STK39: variants seen among roughly 807,000 people sequenced by gnomAD.
STK39 encodes the protein serine/threonine kinase 39.
A neutral mutation model predicts 77.8 loss-of-function variants in STK39; 20 were observed. The ratio of observed to expected loss-of-function variants is 0.26; its 90% CI spans 0.18 to 0.37. STK39 has a LOEUF of 0.37. Among genes scored for constraint, STK39 ranks in the 10% least tolerant of loss-of-function variants. STK39 has a pLI of 1.00. For synonymous variants in STK39, 246 were observed against 234.1 expected (o/e 1.05, Z -0.47); for missense variants, 479 against 656.5 (o/e 0.73, Z 2.95).
rs935693545 is a variant in STK39 at position 168,182,032 on chromosome 2, T to C, written c.267A>G (p.Val89=). ...AALCKPRQER[V]AIKRINLEKC... The stretch of plus-strand genomic sequence containing the variant: ...TTTCCAAGTTGATCCGTTTTATTGC[T>C]ACACGTTCTTGCCTGGGTTTGCATA... Residue 89 remains valine (V), a synonymous_variant, in exon 2 of 18, where the codon GTA becomes GTG. Coordinates refer to ENST00000355999, the MANE Select transcript of STK39 (RefSeq NM_013233.3). 4.3e-6 allele frequency: 7 copies of C among 1,613,970 alleles called. No individual in the cohort carries two copies. The African/African-American group carries it at 9.3e-5, about 22-fold the overall frequency.
chr2:168,031,514 C>T (rs991120252), intron 14 of STK39, among the ~76,000 whole-genome samples: 2 of 152,162 alleles, frequency 1.3e-5, no homozygotes, highest in South Asian at 4.1e-4. Flanking sequence ...TGTTGAAAGC[C>T]TAACAGCCAG....
At chr2:168,208,681 G>C (rs1440112082) in intron 1 of STK39, among the ~76,000 whole-genome samples, 1 of 152,192 alleles carries the variant, frequency 6.6e-6, no homozygotes, top group African/African-American at 2.4e-5. Flanking sequence ...GAGCACAAAA[G>C]CACTGCACTA....
At chr2:167,983,135 G>C (rs1051876650) in intron 16 of STK39, among the ~76,000 whole-genome samples, 1 of 152,086 alleles carries the variant, frequency 6.6e-6, no homozygotes, top group Admixed American at 6.6e-5. Context: ...AATTAAACTT[G>C]AGCCTTAAAC....
intron 3 of STK39, among the ~76,000 whole-genome samples, chr2:168,164,593 G>A (rs1194203608): frequency 6.6e-6 from 1 of 152,082 alleles, no homozygotes; most frequent in South Asian, 2.1e-4. Flanking sequence ...TTTTTGTAGA[G>A]ATGGGGTCTT....
Position 168,137,939 on chromosome 2 carries a change from C to CT in STK39, c.974+148dup, listed in dbSNP as rs1357122646. The CT allele has an allele frequency of 2.3e-5, 25 of 1,108,742 alleles. No homozygotes were observed. In the African/African-American group the frequency reaches 3.2e-4, roughly 14 times the overall value. The allele number at this position is 1,108,742 out of a possible 1,614,324, so 68.7% of individuals were successfully genotyped here. ...CCTCTTGGACCCACACCGTCTTTCACTAACAGGTTGGAAATCTGGGGACCA... is the reference window on the plus strand; with the variant it reads ...CCTCTTGGACCCACACCGTCTTTCACTTAACAGGTTGGAAATCTGGGGACCA... On this transcript the variant is annotated intron_variant, in intron 8 of 17. Coordinates refer to ENST00000355999, the MANE Select transcript of STK39 (RefSeq NM_013233.3).
intron 15 of STK39, among the ~76,000 whole-genome samples, chr2:168,014,391 A>T (rs1445874392): frequency 6.6e-6 from 1 of 152,072 alleles, no homozygotes; most frequent in African/African-American, 2.4e-5. Context: ...GGCTGGGTGG[A>T]AGGATCACTT....
chr2:168,155,873 A>G (rs1398226972), intron 5 of STK39, among the ~76,000 whole-genome samples: 1 of 152,234 alleles, frequency 6.6e-6, no homozygotes, highest in African/African-American at 2.4e-5. Flanking sequence ...TGCCACCAAC[A>G]GGCACATGTA....
At position 168,182,108 on chromosome 2, in the gene STK39, C is replaced by T; in HGVS notation, c.209-18G>A. On this transcript the variant is annotated intron_variant, in intron 1 of 17. Transcript: ENST00000355999. ...TCCACTGCCTGCAATGAAATAAAAA[C>T]AACATCAGCGATCAAATGGCACACT... The T allele has an allele frequency of 6.2e-7, 1 of 1,605,574 alleles. No individual in the cohort carries two copies. The highest frequency in any genetic ancestry group is 8.5e-7 in the Non-Finnish European group (1 of 1,172,446).
chr2:168,099,608 T>C (rs1246939633), intron 10 of STK39, among the ~76,000 whole-genome samples: 2 of 152,236 alleles, frequency 1.3e-5, no homozygotes, highest in Non-Finnish European at 2.9e-5. Flanking sequence ...TAAACATACA[T>C]GTTTTTCAGG....
intron 1 of STK39, among the ~76,000 whole-genome samples, chr2:168,225,237 T>C (rs1443911989): frequency 6.6e-6 from 1 of 151,798 alleles, no homozygotes; most frequent in African/African-American, 2.4e-5. Flanking sequence ...AAATACATCA[T>C]AAAATTTGGG....
chr2:168,121,076 G>T (rs527336929), intron 10 of STK39, among the ~76,000 whole-genome samples: 9 of 152,156 alleles, frequency 5.9e-5, no homozygotes, highest in Non-Finnish European at 1.0e-4. Flanking sequence ...ATTTTCCTGT[G>T]TACACCACTT....
intron 1 of STK39, 143 bp from the exon 2 acceptor site, chr2:168,182,233 A>C: frequency 3.2e-6 from 2 of 618,754 alleles, no homozygotes; most frequent in Non-Finnish European, 2.8e-6. Flanking sequence ...TTTTTTTTAA[A>C]GAGTTTCTTA....
intron 8 of STK39, among the ~76,000 whole-genome samples, chr2:168,133,797 G>A (rs9287895): frequency 0.38 from 57,857 of 151,472 alleles, 11,772 homozygotes; most frequent in South Asian, 0.48. Context: ...GGCGGAGGTT[G>A]CAGTGAGCCG....
chr2:167,973,973 C>T (rs1047501558), intron 16 of STK39, among the ~76,000 whole-genome samples: 11 of 152,088 alleles, frequency 7.2e-5, no homozygotes, highest in Non-Finnish European at 1.2e-4. Context: ...ATGAGAATCT[C>T]ACCTTATGGT....
intron 10 of STK39, among the ~76,000 whole-genome samples, chr2:168,095,043 G>A (rs1191981018): frequency 6.6e-6 from 1 of 152,044 alleles, no homozygotes; most frequent in South Asian, 2.1e-4. Flanking sequence ...CCTGTCCTAT[G>A]CCTCTGCCAC....
At chr2:168,199,493 A>C (rs2138749) in intron 1 of STK39, among the ~76,000 whole-genome samples, 1 of 152,252 alleles carries the variant, frequency 6.6e-6, no homozygotes, top group Non-Finnish European at 1.5e-5. Flanking sequence ...TCCATGATAA[A>C]TTACTTTGTA....
intron 10 of STK39, among the ~76,000 whole-genome samples, chr2:168,114,256 A>G (rs911807730): frequency 2.6e-5 from 4 of 152,240 alleles, no homozygotes; most frequent in Non-Finnish European, 2.9e-5. Flanking sequence ...AGAACGAAAG[A>G]GCAGGATGAA....
chr2:168,061,259 A>C (rs1192082702), intron 14 of STK39, among the ~76,000 whole-genome samples: 1 of 150,492 alleles, frequency 6.6e-6, no homozygotes, highest in African/African-American at 2.4e-5. Flanking sequence ...AAAAAAAACC[A>C]CATTATCTTA....
chr2:168,056,944 T>C (rs1685542112), intron 14 of STK39, among the ~76,000 whole-genome samples: 1 of 152,250 alleles, frequency 6.6e-6, no homozygotes, highest in Non-Finnish European at 1.5e-5. Context: ...ACAAATTGTG[T>C]GGCAGGGAAC....
Sources: gnomAD v4.1 joint callset for allele counts (sites outside exome capture counted in the v4.1 genomes callset) on GRCh38, gnomAD v4.1.1 for gene constraint, MANE v1.5 for transcripts, NCBI Gene and HGNC (gene_info 2026-07-23, HGNC 2026-07-21) for gene names.